Variants in MYT1L observed in about 807,000 individuals in gnomAD.
MYT1L encodes the protein myelin transcription factor 1-like protein.
In MYT1L, 12 loss-of-function variants were observed where a neutral mutation model predicts 126.7. That is an observed-to-expected ratio of 0.09 (90% CI 0.06 to 0.15). The LOEUF (loss-of-function observed/expected upper bound fraction) is 0.15. MYT1L is among the 10% of genes least tolerant of loss of function. MYT1L has a pLI of 1.00. For synonymous variants in MYT1L, 541 were observed against 604.2 expected (o/e 0.90, Z 1.53); for missense variants, 979 against 1,585.2 (o/e 0.62, Z 6.49).
intron 2 of MYT1L, among the ~76,000 whole-genome samples, chr2:2,215,306 C>T (rs967557582): frequency 2.0e-5 from 3 of 152,096 alleles, no homozygotes; most frequent in African/African-American, 7.2e-5. Context: ...CCTACAGAAA[C>T]ACATATTTAA....
intron 18 of MYT1L, among the ~76,000 whole-genome samples, chr2:1,877,077 G>A (rs774107171): frequency 6.6e-6 from 1 of 152,130 alleles, no homozygotes; most frequent in Non-Finnish European, 1.5e-5. Flanking sequence ...AACCCACTCC[G>A]CAAAGCCCTT....
Position 1,977,389 on chromosome 2 carries a change from C to T in MYT1L, c.152+1776G>A, listed in dbSNP as rs2149480259. 1.3e-5 allele frequency among the ~76,000 whole-genome samples: 2 copies of T among 152,360 alleles called. 1 individual carries two copies. Among genetic ancestry groups the T allele is most frequent in the South Asian group, 4.1e-4 (2 of 4,826 alleles). ...CATAAATTCATTTCTTAGTGAAATG[C>T]ACCTTGGTTAAGCATATGAATGCTT... On this transcript the variant is annotated intron_variant, in intron 8 of 24. Transcript: ENST00000647738.
chr2:2,108,787 T>G (rs1314233527), intron 3 of MYT1L, among the ~76,000 whole-genome samples: 2 of 152,248 alleles, frequency 1.3e-5, no homozygotes, highest in Non-Finnish European at 2.9e-5. Flanking sequence ...TGGCAGTATT[T>G]TTTTTTCTTT....
chr2:1,985,463 C>T (rs1413496205), intron 5 of MYT1L, among the ~76,000 whole-genome samples: 1 of 152,122 alleles, frequency 6.6e-6, no homozygotes, highest in Non-Finnish European at 1.5e-5. Context: ...CTTCTAAAAC[C>T]CTACGTCATA....
chr2:1,864,791 G>A (rs73186607), intron 18 of MYT1L, among the ~76,000 whole-genome samples: 24,440 of 152,074 alleles, frequency 0.16, 2,834 homozygotes, highest in African/African-American at 0.33. Context: ...CAGCCACTTC[G>A]GGGCAGCCTT....
At chr2:1,883,145 T>C (rs1187626072) in intron 18 of MYT1L, among the ~76,000 whole-genome samples, 1 of 152,198 alleles carries the variant, frequency 6.6e-6, no homozygotes, top group Non-Finnish European at 1.5e-5. Flanking sequence ...GGAGTTACAC[T>C]AATGTCGGGA....
intron 8 of MYT1L, among the ~76,000 whole-genome samples, 185 bp downstream of exon 8, chr2:1,978,980 C>A (rs1307539978): frequency 2.0e-5 from 3 of 152,032 alleles, no homozygotes; most frequent in Non-Finnish European, 4.4e-5. Flanking sequence ...CCCACGAGAT[C>A]GAACGGCTTA....
At chr2:1,897,422 C>A (rs1477286639) in intron 14 of MYT1L, among the ~76,000 whole-genome samples, 1 of 152,068 alleles carries the variant, frequency 6.6e-6, no homozygotes, top group Admixed American at 6.5e-5. Context: ...TGACAGAATG[C>A]ACTTTCTTTT....
chr2:1,792,907 C>T (rs532177860), intron 23 of MYT1L, among the ~76,000 whole-genome samples: 43 of 120,664 alleles, frequency 3.6e-4, no homozygotes, highest in African/African-American at 1.2e-3. Flanking sequence ...AAAAGGCTTC[C>T]GTGGTGATAG....
intron 18 of MYT1L, among the ~76,000 whole-genome samples, chr2:1,854,051 T>A (rs929887608): frequency 2.6e-5 from 4 of 152,196 alleles, no homozygotes; most frequent in African/African-American, 7.2e-5. Context: ...TATGCCTTTT[T>A]AAAAAGCTTA....
Position 1,903,132 on chromosome 2 carries a change from G to C in MYT1L, c.1980C>G (p.Ala660=). ...SYDNHTYGKR[A]IAPKVQTRDI... ...CCCTGGTTTGCACCTTGGGAGCTAT[G>C]GCTCGCTTGCCATAAGTATGGTTGT... Residue 660 remains alanine, a synonymous_variant, in exon 14 of 25, where the codon GCC becomes GCG. Transcript: ENST00000647738. The C allele has an allele frequency of 6.2e-7, 1 of 1,614,006 alleles. No individual in the cohort carries two copies. Among genetic ancestry groups the C allele is most frequent in the Non-Finnish European group, 8.5e-7 (1 of 1,179,906 alleles).
intron 1 of MYT1L, among the ~76,000 whole-genome samples, chr2:2,296,988 T>C (rs769583045): frequency 2.0e-5 from 3 of 152,164 alleles, no homozygotes; most frequent in Non-Finnish European, 4.4e-5. Flanking sequence ...CAGGTTTCTC[T>C]GCAGGAAGCT....
intron 2 of MYT1L, among the ~76,000 whole-genome samples, chr2:2,221,991 C>T (rs1384576688): frequency 6.6e-6 from 1 of 152,208 alleles, no homozygotes; most frequent in Non-Finnish European, 1.5e-5. Flanking sequence ...CTCAGGCTCA[C>T]ACCTGCCTCT....
At chr2:2,033,494 G>T (rs1164183603) in intron 4 of MYT1L, among the ~76,000 whole-genome samples, 1 of 152,210 alleles carries the variant, frequency 6.6e-6, no homozygotes, top group Non-Finnish European at 1.5e-5. Flanking sequence ...CAGAACTCAG[G>T]ATGGGACCTG....
intron 2 of MYT1L, among the ~76,000 whole-genome samples, chr2:2,185,993 G>A (rs1403819344): frequency 6.1e-5 from 7 of 114,566 alleles, no homozygotes; most frequent in Non-Finnish European, 1.0e-4. Context: ...GGGGGACGCA[G>A]CCAGGCCTTC....
At chr2:1,897,579 C>T (rs1384806045) in intron 14 of MYT1L, among the ~76,000 whole-genome samples, 2 of 152,128 alleles carry the variant, frequency 1.3e-5, no homozygotes, top group African/African-American at 2.4e-5. Context: ...TCTCTTGCCT[C>T]AGCCTCCTAA....
At chr2:2,032,052 T>C (rs2066363390) in intron 4 of MYT1L, among the ~76,000 whole-genome samples, 1 of 128,938 alleles carries the variant, frequency 7.8e-6, no homozygotes, top group South Asian at 2.8e-4. Flanking sequence ...GTACCTCTCA[T>C]CCTGTGGCCC....
At chr2:1,976,343 TA>T (rs972707640) in intron 8 of MYT1L, among the ~76,000 whole-genome samples, 2 of 151,872 alleles carry the variant, frequency 1.3e-5, no homozygotes, top group Admixed American at 6.6e-5. Context: ...TCAAAACCAG[TA>T]AAAAAACAAT....
intron 5 of MYT1L, among the ~76,000 whole-genome samples, chr2:1,993,710 G>A (rs745494654): frequency 2.0e-5 from 3 of 152,084 alleles, no homozygotes; most frequent in African/African-American, 4.8e-5. Context: ...AAAAGATATC[G>A]TCACTTTACC....
Sources: gnomAD v4.1 joint callset for allele counts (sites outside exome capture counted in the v4.1 genomes callset) on GRCh38, gnomAD v4.1.1 for gene constraint, MANE v1.5 for transcripts, NCBI Gene and HGNC (gene_info 2026-07-23, HGNC 2026-07-21) for gene names.